Variants in CADPS observed in about 807,000 individuals in gnomAD.
CADPS encodes calcium dependent secretion activator, also known as calcium-dependent secretion activator 1.
A neutral mutation model predicts 167.3 loss-of-function variants in CADPS; 57 were observed. The ratio of observed to expected loss-of-function variants is 0.34; its 90% CI spans 0.28 to 0.42. The LOEUF (loss-of-function observed/expected upper bound fraction) is 0.42. Ranked by LOEUF, CADPS falls within the 20% of genes least tolerant of loss-of-function variation. CADPS has a pLI of 1.00. For synonymous variants in CADPS, 676 were observed against 635.3 expected, an observed-to-expected ratio of 1.06 and a Z score of -0.96; for missense variants, 1,414 against 1,738.1, an observed-to-expected ratio of 0.81 and a Z score of 3.32.
chr3:62,548,285 C>T (rs1409719561), intron 11 of CADPS, among the ~76,000 whole-genome samples: 1 of 152,150 alleles, frequency 6.6e-6, no homozygotes, highest in African/African-American at 2.4e-5. Context: ...ATAACTATTA[C>T]TCTCTTTACT....
chr3:62,590,906 G>C (rs184308143), intron 7 of CADPS, among the ~76,000 whole-genome samples: 1 of 152,084 alleles, frequency 6.6e-6, no homozygotes, highest in South Asian at 2.1e-4. Flanking sequence ...CCAGGCTAGA[G>C]TGCAATGGAG....
chr3:62,750,835 TG>T (rs1455308154), intron 3 of CADPS, among the ~76,000 whole-genome samples: 1 of 152,214 alleles, frequency 6.6e-6, no homozygotes, highest in Non-Finnish European at 1.5e-5. Flanking sequence ...CTTTTATTGC[TG>T]TTCTATTGGA....
intron 1 of CADPS, among the ~76,000 whole-genome samples, chr3:62,838,647 T>C (rs2076230980): frequency 6.6e-6 from 1 of 152,190 alleles, no homozygotes. Flanking sequence ...TTGTAACCTC[T>C]CTGGAAAAAA....
At chr3:62,705,649 T>C (rs1161339171) in intron 3 of CADPS, among the ~76,000 whole-genome samples, 1 of 152,152 alleles carries the variant, frequency 6.6e-6, no homozygotes, top group Non-Finnish European at 1.5e-5. Context: ...ATCTTTCTCC[T>C]GTGCTGAATG....
intron 1 of CADPS, among the ~76,000 whole-genome samples, chr3:62,853,884 A>T (rs1056997048): frequency 2.6e-5 from 4 of 152,008 alleles, no homozygotes; most frequent in African/African-American, 9.7e-5. Context: ...TCAGCCTGGG[A>T]GGTTGAGGCT....
chr3:62,800,365 C>G (rs927687287), intron 1 of CADPS, among the ~76,000 whole-genome samples: 1 of 152,074 alleles, frequency 6.6e-6, no homozygotes, highest in Non-Finnish European at 1.5e-5. Context: ...AGGTCATCAT[C>G]CTAAGTGAAA....
chr3:62,808,166 C>A (rs549762465), intron 1 of CADPS, among the ~76,000 whole-genome samples: 1 of 152,088 alleles, frequency 6.6e-6, no homozygotes, highest in African/African-American at 2.4e-5. Context: ...AGCCACTGCA[C>A]CCAGCCTCAA....
At chr3:62,414,379 A>G (rs955192770) in intron 28 of CADPS, among the ~76,000 whole-genome samples, 5 of 152,338 alleles carry the variant, frequency 3.3e-5, no homozygotes, top group Non-Finnish European at 7.3e-5. Context: ...TGTGTTCAGG[A>G]AGCCCTTATT....
intron 1 of CADPS, among the ~76,000 whole-genome samples, chr3:62,821,525 C>G (rs781104681): frequency 5.3e-5 from 8 of 152,150 alleles, no homozygotes; most frequent in Non-Finnish European, 8.8e-5. Context: ...CATCTCCAGT[C>G]TCTGCCTCCA....
chr3:62,657,384 C>G (rs769801686), intron 4 of CADPS, among the ~76,000 whole-genome samples: 11 of 152,066 alleles, frequency 7.2e-5, no homozygotes, highest in Non-Finnish European at 1.6e-4. Context: ...ATAATTAGCT[C>G]AATAATTTTG....
At chr3:62,620,705 C>A (rs76533025) in intron 6 of CADPS, among the ~76,000 whole-genome samples, 5,089 of 152,264 alleles carry the variant, frequency 0.033, 301 homozygotes, top group African/African-American at 0.12. Context: ...GCTAGTATAG[C>A]TGTCCTTGCT....
At chr3:62,648,359 T>A (rs1026288979) in intron 5 of CADPS, among the ~76,000 whole-genome samples, 1 of 152,132 alleles carries the variant, frequency 6.6e-6, no homozygotes, top group African/African-American at 2.4e-5. Flanking sequence ...ATCAGCTGTG[T>A]AATATCGAGT....
intron 1 of CADPS, among the ~76,000 whole-genome samples, chr3:62,800,753 C>T (rs1348157762): frequency 6.6e-6 from 1 of 152,020 alleles, no homozygotes; most frequent in African/African-American, 2.4e-5. Flanking sequence ...TGCTTTTTAT[C>T]TATGTCATTT....
At chr3:62,701,459 CAA>C (rs140696550) in intron 3 of CADPS, among the ~76,000 whole-genome samples, 10,840 of 151,818 alleles carry the variant, frequency 0.071, 467 homozygotes, top group South Asian at 0.16. Flanking sequence ...AGCCCAAGGG[CAA>C]AGTGATGCTT....
chr3:62,741,666 C>A (rs375192843), intron 3 of CADPS, among the ~76,000 whole-genome samples: 59 of 152,292 alleles, frequency 3.9e-4, no homozygotes, highest in Non-Finnish European at 6.6e-4. Context: ...CAGCCAACAT[C>A]ATACTGAACA....
At chr3:62,434,825 AC>A in intron 28 of CADPS, among the ~76,000 whole-genome samples, 1 of 152,212 alleles carries the variant, frequency 6.6e-6, no homozygotes, top group Non-Finnish European at 1.5e-5. Context: ...AGCCTTTTCT[AC>A]AAGGGCACAC....
At chr3:62,459,707 GA>G (rs1255705760) in intron 26 of CADPS, among the ~76,000 whole-genome samples, 1 of 152,156 alleles carries the variant, frequency 6.6e-6, no homozygotes, top group Non-Finnish European at 1.5e-5. Flanking sequence ...TACCCGTTGA[GA>G]ATATGTATCT....
chr3:62,837,205 C>G (rs1001384256), intron 1 of CADPS, among the ~76,000 whole-genome samples: 2 of 152,176 alleles, frequency 1.3e-5, no homozygotes, highest in African/African-American at 4.8e-5. Flanking sequence ...GTATTCCCAT[C>G]TTACATAAGG....
intron 28 of CADPS, among the ~76,000 whole-genome samples, chr3:62,410,271 T>C (rs907731722): frequency 3.3e-5 from 5 of 152,252 alleles, no homozygotes; most frequent in African/African-American, 1.2e-4. Flanking sequence ...TGAAATCCAC[T>C]AGGAACTGAG....
Sources: allele counts gnomAD v4.1 joint callset (sites outside exome capture counted in the v4.1 genomes callset), GRCh38; gene constraint gnomAD v4.1.1; transcripts MANE v1.5; gene names NCBI Gene and HGNC (gene_info 2026-07-23, HGNC 2026-07-21).